The following KCNH8 variants were observed in gnomAD, a reference collection of about 807,000 sequenced individuals.
KCNH8 encodes the protein voltage-gated delayed rectifier potassium channel KCNH8.
In KCNH8, 70 loss-of-function variants were observed where a neutral mutation model predicts 103.6. The ratio of observed to expected loss-of-function variants is 0.68; its 90% CI spans 0.56 to 0.82. The LOEUF (loss-of-function observed/expected upper bound fraction) is 0.82. Ranked by LOEUF, KCNH8 falls within the 40% of genes least tolerant of loss-of-function variation. KCNH8 has a pLI of 0.00. For synonymous variants in KCNH8, 498 were observed against 489.4 expected (o/e 1.02, Z -0.23); for missense variants, 1,217 against 1,329.9 (o/e 0.92, Z 1.32).
chr3:19,492,704 T>G (rs1448541121), intron 11 of KCNH8, among the ~76,000 whole-genome samples: 1 of 152,176 alleles, frequency 6.6e-6, no homozygotes, highest in Non-Finnish European at 1.5e-5. Flanking sequence ...AATAGTTTCT[T>G]CTCATTTTTT....
intron 1 of KCNH8, among the ~76,000 whole-genome samples, chr3:19,165,006 G>T (rs542358577): frequency 2.6e-4 from 40 of 152,216 alleles, no homozygotes; most frequent in Non-Finnish European, 5.1e-4. Context: ...TGGGGGTCAG[G>T]ATCAAGAGGG....
At chr3:19,354,749 T>C (rs1366288140) in intron 5 of KCNH8, among the ~76,000 whole-genome samples, 3 of 152,236 alleles carry the variant, frequency 2.0e-5, no homozygotes, top group Admixed American at 6.5e-5. Flanking sequence ...ATTAAAGATT[T>C]AAATGTTAGA....
In KCNH8 at chr3:19,438,219, C is replaced by G; in HGVS notation, c.1233C>G (p.Thr411=). ...RLESPYYGNN[T]LGGPSIRSAY... ...AATCTCCATACTATGGCAACAATACCTTGGGGGGCCCGTCGATCCGAAGTG... is the reference window on the plus strand; with the variant it reads ...AATCTCCATACTATGGCAACAATACGTTGGGGGGCCCGTCGATCCGAAGTG... The change falls in exon 8 of 16, where the codon ACC becomes ACG. Residue 411 remains threonine (T), a synonymous_variant. Coordinates refer to ENST00000328405, the MANE Select transcript of KCNH8 (RefSeq NM_144633.3). 6.2e-7 allele frequency: 1 copy of G among 1,614,040 alleles called. No homozygotes were observed. Among genetic ancestry groups the G allele is most frequent in the Non-Finnish European group, 8.5e-7 (1 of 1,179,990 alleles).
At chr3:19,202,484 A>C (rs774103816) in intron 1 of KCNH8, among the ~76,000 whole-genome samples, 1 of 152,036 alleles carries the variant, frequency 6.6e-6, no homozygotes, top group Non-Finnish European at 1.5e-5. Flanking sequence ...GACTATGTGA[A>C]TTGTGTTTGC....
chr3:19,451,771 T>C (rs1334819439), intron 10 of KCNH8, among the ~76,000 whole-genome samples: 1 of 152,170 alleles, frequency 6.6e-6, no homozygotes, highest in Non-Finnish European at 1.5e-5. Flanking sequence ...TAAGAGGGCA[T>C]TTATTTTTGT....
At chr3:19,443,968 A>G (rs2067323460) in intron 8 of KCNH8, among the ~76,000 whole-genome samples, 1 of 152,000 alleles carries the variant, frequency 6.6e-6, no homozygotes, top group East Asian at 1.9e-4. Flanking sequence ...AAAGTAACCT[A>G]AAGACTCAAT....
At chr3:19,343,162 C>T (rs948761579) in intron 4 of KCNH8, among the ~76,000 whole-genome samples, 2 of 152,044 alleles carry the variant, frequency 1.3e-5, no homozygotes, top group African/African-American at 4.8e-5. Flanking sequence ...AAAGTCATTA[C>T]TCCATTAAAA....
Position 19,451,104 on chromosome 3 carries a change from G to C in KCNH8, c.1576-51G>C, listed in dbSNP as rs139208185. ...CCCTGCTGTCTTGCAAAGTAAATCAGTTAGACTACACTTACCCCAATTTGA... is the reference window on the plus strand; with the variant it reads ...CCCTGCTGTCTTGCAAAGTAAATCACTTAGACTACACTTACCCCAATTTGA... On this transcript the variant is annotated intron_variant, in intron 9 of 15. Coordinates refer to ENST00000328405, the MANE Select transcript of KCNH8 (RefSeq NM_144633.3). 2.5e-6 allele frequency: 4 copies of C among 1,593,050 alleles called. No individual in the cohort carries two copies. The African/African-American group carries it at 4.0e-5, about 16-fold the overall frequency.
intron 1 of KCNH8, among the ~76,000 whole-genome samples, chr3:19,200,153 CAA>C (rs925160847): frequency 1.3e-4 from 20 of 150,806 alleles, no homozygotes; most frequent in African/African-American, 4.6e-4. Context: ...AAAAATAAAA[CAA>C]GAGGAAAAAA....
intron 15 of KCNH8, among the ~76,000 whole-genome samples, chr3:19,526,577 AAC>A (rs1033517045): frequency 2.0e-5 from 3 of 152,052 alleles, no homozygotes; most frequent in Admixed American, 2.0e-4. Context: ...TACACCAAAA[AAC>A]ACACAATCTA....
chr3:19,505,919 C>T (rs1054510987), intron 11 of KCNH8, among the ~76,000 whole-genome samples: 12 of 152,182 alleles, frequency 7.9e-5, no homozygotes, highest in South Asian at 2.1e-4. Flanking sequence ...AGCCAGTTTT[C>T]GAACTCTGAG....
intron 3 of KCNH8, among the ~76,000 whole-genome samples, chr3:19,290,744 G>T (rs1575500191): frequency 6.6e-6 from 1 of 152,278 alleles, no homozygotes; most frequent in Admixed American, 6.5e-5. Flanking sequence ...TTTGGTATCA[G>T]GATGATGCTG....
At chr3:19,449,934 C>A (rs1370834166) in intron 8 of KCNH8, among the ~76,000 whole-genome samples, 172 bp from the exon 9 acceptor site, 1 of 151,954 alleles carries the variant, frequency 6.6e-6, no homozygotes, top group African/African-American at 2.4e-5. Context: ...TCAGGATGTA[C>A]CCTGTGACAC....
chr3:19,159,784 A>G (rs373539507), intron 1 of KCNH8, among the ~76,000 whole-genome samples: 85 of 152,258 alleles, frequency 5.6e-4, no homozygotes, highest in African/African-American at 2.0e-3. Context: ...ATATCTATAT[A>G]TCATCTCCTT....
intron 15 of KCNH8, 39 bp from the exon 16 acceptor site, chr3:19,533,356 C>A: frequency 7.5e-7 from 1 of 1,333,582 alleles, no homozygotes; most frequent in Non-Finnish European, 1.1e-6. Flanking sequence ...CTACTATGCA[C>A]CTCTAACTAT....
intron 1 of KCNH8, among the ~76,000 whole-genome samples, chr3:19,176,461 G>C (rs2063400691): frequency 6.6e-6 from 1 of 152,016 alleles, no homozygotes; most frequent in South Asian, 2.1e-4. Flanking sequence ...AATGCTATGA[G>C]ATTGTGGTTA....
intron 5 of KCNH8, among the ~76,000 whole-genome samples, chr3:19,384,174 C>A (rs1161767721): frequency 6.6e-6 from 1 of 152,210 alleles, no homozygotes; most frequent in Non-Finnish European, 1.5e-5. Context: ...TAAAGATCCA[C>A]TGGTAGTGTG....
Position 19,151,454 on chromosome 3 carries a change from GA to G in KCNH8, c.76+2668del, listed in dbSNP as rs146266130. ...TTATTTTATTTTGGACAATTTTTAT[GA>G]AAAAAAAATTAGAGAGCAAACAACA... On this transcript the variant is annotated intron_variant, in intron 1 of 15. Transcript: ENST00000328405. Among the ~76,000 whole-genome samples, 242 of 150,690 alleles carry G rather than the reference GA, an allele frequency of 1.6e-3. 2 individuals are homozygous for G. Among genetic ancestry groups the G allele is most frequent in the African/African-American group, 5.4e-3 (221 of 41,212 alleles).
At chr3:19,345,129 C>A (rs2065712918) in intron 4 of KCNH8, among the ~76,000 whole-genome samples, 2 of 152,048 alleles carry the variant, frequency 1.3e-5, no homozygotes, top group Non-Finnish European at 2.9e-5. Context: ...AAGGTGTTTT[C>A]AAATTCTGCC....
Sources: gnomAD v4.1 joint callset for allele counts (sites outside exome capture counted in the v4.1 genomes callset) on GRCh38, gnomAD v4.1.1 for gene constraint, MANE v1.5 for transcripts, NCBI Gene and HGNC (gene_info 2026-07-23, HGNC 2026-07-21) for gene names.